Variants in RASAL2 observed in about 807,000 individuals in gnomAD.
RASAL2 encodes the protein ras GTPase-activating protein nGAP.
In RASAL2, 58 loss-of-function variants were observed where a neutral mutation model predicts 128.9. The observed-to-expected ratio is 0.45, with a 90% CI of 0.36 to 0.56. The LOEUF is 0.56. Ranked by LOEUF, RASAL2 falls within the 20% of genes least tolerant of loss-of-function variation. The pLI, the probability that RASAL2 is intolerant of heterozygous loss-of-function variation, is 0.00. For synonymous variants in RASAL2, 561 were observed against 580.8 expected, an observed-to-expected ratio of 0.97 and a Z score of 0.49; for missense variants, 1,360 against 1,601.6, an observed-to-expected ratio of 0.85 and a Z score of 2.57.
rs534518861 is a variant in RASAL2, at chr1:178,331,434, T to G, written c.457+31316T>G. Among the ~76,000 whole-genome samples, 17 of 152,312 alleles carry G rather than the reference T, an allele frequency of 1.1e-4. No individual in the cohort carries two copies. In the South Asian group the frequency reaches 3.1e-3, roughly 28 times the overall value. ...AAATTTATTTGTCAAGTTGTCTATT[T>G]TACTGTTATTTAGTGGAGGAAAAAT... On this transcript the variant is annotated intron_variant, in intron 3 of 17. Coordinates refer to ENST00000367649, the MANE Select transcript of RASAL2 (RefSeq NM_170692.4).
chr1:178,177,573 C>G (rs146285693), intron 1 of RASAL2, among the ~76,000 whole-genome samples: 26 of 152,266 alleles, frequency 1.7e-4, no homozygotes, highest in African/African-American at 5.8e-4. Context: ...CTGGGAAATA[C>G]AGGAAGACTT....
chr1:178,288,882 C>T (rs923949517), intron 2 of RASAL2, among the ~76,000 whole-genome samples: 3 of 151,998 alleles, frequency 2.0e-5, no homozygotes, highest in Non-Finnish European at 4.4e-5. Flanking sequence ...AACTCCTCAC[C>T]TCAGGTGATC....
intron 3 of RASAL2, among the ~76,000 whole-genome samples, chr1:178,381,218 A>T (rs1048108683): frequency 1.3e-5 from 2 of 152,152 alleles, no homozygotes; most frequent in African/African-American, 4.8e-5. Context: ...CCAGAAAGTA[A>T]TGTTTTAGGG....
At chr1:178,413,608 A>G (rs1423502272) in intron 4 of RASAL2, among the ~76,000 whole-genome samples, 1 of 152,228 alleles carries the variant, frequency 6.6e-6, no homozygotes, top group African/African-American at 2.4e-5. Context: ...ATTACAGAAC[A>G]TACTAAAAGG....
In RASAL2 at chr1:178,457,678, C is replaced by T. The variant is rs1558005956; in HGVS notation, c.2391-5C>T. 3 of 1,609,274 alleles carry T rather than the reference C, an allele frequency of 1.9e-6. No homozygotes were observed. Among genetic ancestry groups the T allele is most frequent in the Middle Eastern group, 1.7e-4 (1 of 6,046 alleles). On this transcript the variant is annotated splice_polypyrimidine_tract_variant and splice_region_variant and intron_variant, in intron 13 of 17. Transcript: ENST00000367649. ...AGAAATTAAGTGTCCTTTCCTTTTC[C>T]ACAGTGATTTGCATAAACTAAAATC...
At chr1:178,133,920 C>T (rs1048850384) in intron 1 of RASAL2, among the ~76,000 whole-genome samples, 6 of 152,276 alleles carry the variant, frequency 3.9e-5, no homozygotes, top group Admixed American at 2.0e-4. Context: ...TAATAGCTGC[C>T]TTGCTCCTCA....
Position 178,396,477 on chromosome 1 carries a change from A to G in RASAL2, c.564+6271A>G, listed in dbSNP as rs906201954. 3.3e-5 allele frequency among the ~76,000 whole-genome samples: 5 copies of G among 152,194 alleles called. 1 individual carries two copies. The highest frequency in any genetic ancestry group is 3.3e-4 in the Admixed American group (5 of 15,272). On this transcript the variant is annotated intron_variant, in intron 4 of 17. Transcript: ENST00000367649. Reference sequence around the variant, plus strand: ...AGCTACTAAGTATAACCTCTTTTACAGAAGTTCTGAAGCCAGAGATGTAGA... The same window carrying G: ...AGCTACTAAGTATAACCTCTTTTACGGAAGTTCTGAAGCCAGAGATGTAGA...
intron 3 of RASAL2, among the ~76,000 whole-genome samples, chr1:178,310,003 A>G (rs1386376448): frequency 2.0e-5 from 3 of 152,228 alleles, no homozygotes; most frequent in Non-Finnish European, 4.4e-5. Context: ...TGTATATTCA[A>G]CATGGCTTGG....
At chr1:178,351,644 G>A (rs973880796) in intron 3 of RASAL2, among the ~76,000 whole-genome samples, 1 of 151,822 alleles carries the variant, frequency 6.6e-6, no homozygotes, top group Admixed American at 6.6e-5. Context: ...CAGAAGAGTG[G>A]CGTGAACCCG....
At chr1:178,455,296 T>C (rs1677690664) in intron 12 of RASAL2, among the ~76,000 whole-genome samples, 1 of 152,208 alleles carries the variant, frequency 6.6e-6, no homozygotes. Context: ...TAGTAAAAAA[T>C]AGTCTAAAAG....
Position 178,424,270 on chromosome 1 carries a change from T to C in RASAL2, c.674+3650T>C, listed in dbSNP as rs538949139. 1.3e-4 allele frequency among the ~76,000 whole-genome samples: 19 copies of C among 151,444 alleles called. No homozygotes were observed. In the South Asian group the frequency reaches 4.0e-3, roughly 32 times the overall value. Reference sequence around the variant, plus strand: ...GTTTGTTTGTTTTTTGGATACGGAGTCTCACTCTGTCGCCCAGGCTGGAGT... The same window carrying C: ...GTTTGTTTGTTTTTTGGATACGGAGCCTCACTCTGTCGCCCAGGCTGGAGT... On this transcript the variant is annotated intron_variant, in intron 5 of 17. Coordinates refer to ENST00000367649, the MANE Select transcript of RASAL2 (RefSeq NM_170692.4).
At chr1:178,343,718 A>G (rs1054201166) in intron 3 of RASAL2, among the ~76,000 whole-genome samples, 1 of 152,182 alleles carries the variant, frequency 6.6e-6, no homozygotes, top group Non-Finnish European at 1.5e-5. Context: ...AAAGAGAAAA[A>G]TACTCAAAGG....
At chr1:178,459,086 A>G (rs1335175968) in intron 14 of RASAL2, among the ~76,000 whole-genome samples, 2 of 152,194 alleles carry the variant, frequency 1.3e-5, no homozygotes, top group Non-Finnish European at 2.9e-5. Context: ...AAGGTAAAGG[A>G]GAGAGTAAAA....
chr1:178,423,951 T>A (rs1224579971), intron 5 of RASAL2, among the ~76,000 whole-genome samples: 1 of 152,166 alleles, frequency 6.6e-6, no homozygotes, highest in East Asian at 1.9e-4. Context: ...TTTAAAATCA[T>A]GTCTTCAAGT....
intron 1 of RASAL2, among the ~76,000 whole-genome samples, chr1:178,201,708 G>C (rs1411409802): frequency 6.6e-6 from 1 of 152,234 alleles, no homozygotes; most frequent in Admixed American, 6.5e-5. Flanking sequence ...AGTTTGACTT[G>C]TGTAGAGCTC....
intron 1 of RASAL2, among the ~76,000 whole-genome samples, chr1:178,151,666 C>T (rs1327811500): frequency 2.6e-5 from 4 of 152,172 alleles, no homozygotes; most frequent in African/African-American, 9.7e-5. Context: ...TCCAAGGCTC[C>T]TGGTGTTTAC....
At chr1:178,160,301 T>A (rs1661233985) in intron 1 of RASAL2, among the ~76,000 whole-genome samples, 1 of 152,162 alleles carries the variant, frequency 6.6e-6, no homozygotes, top group Admixed American at 6.5e-5. Flanking sequence ...TGAAATGAGA[T>A]TAAGATCAGG....
At chr1:178,414,323 T>C (rs79626874) in intron 4 of RASAL2, among the ~76,000 whole-genome samples, 470 of 152,252 alleles carry the variant, frequency 3.1e-3, no homozygotes, top group Non-Finnish European at 4.7e-3. Flanking sequence ...GAGGGATGAA[T>C]AGGCAGAGCA....
At chr1:178,218,583 A>G (rs939090011) in intron 1 of RASAL2, among the ~76,000 whole-genome samples, 1 of 152,190 alleles carries the variant, frequency 6.6e-6, no homozygotes, top group Admixed American at 6.5e-5. Context: ...GCTACTCGAG[A>G]GGCTGAGGCA....
Sources: gnomAD v4.1 joint callset for allele counts (sites outside exome capture counted in the v4.1 genomes callset) on GRCh38, gnomAD v4.1.1 for gene constraint, MANE v1.5 for transcripts, NCBI Gene and HGNC (gene_info 2026-07-23, HGNC 2026-07-21) for gene names.